RBFOX1: variants seen among roughly 807,000 people sequenced by gnomAD.
RBFOX1 encodes RNA binding fox-1 homolog 1.
A neutral mutation model predicts 57.7 loss-of-function variants in RBFOX1; 8 were observed. The observed-to-expected ratio is 0.14, with a 90% CI of 0.08 to 0.25. The LOEUF (loss-of-function observed/expected upper bound fraction) is 0.25, where lower values mean the gene tolerates loss of function less well. Among genes scored for constraint, RBFOX1 ranks in the 10% least tolerant of loss-of-function variants. RBFOX1 has a pLI of 1.00. For synonymous variants in RBFOX1, 326 were observed against 222.4 expected, an observed-to-expected ratio of 1.47 and a Z score of -4.15; for missense variants, 611 against 548.5, an observed-to-expected ratio of 1.11 and a Z score of -1.14.
At chr16:6,285,036 G>A (rs533244096) in intron 1 of RBFOX1, among the ~76,000 whole-genome samples, 16 of 152,142 alleles carry the variant, frequency 1.1e-4, no homozygotes, top group Non-Finnish European at 2.4e-4. Context: ...GTCTTAAACC[G>A]AGAGAGGCAA....
In RBFOX1 at chr16:7,323,856, T is replaced by G. The variant is rs142151078; in HGVS notation, c.28-194291T>G. Among the ~76,000 whole-genome samples the G allele has an allele frequency of 3.7e-3, 557 of 152,276 alleles. 4 individuals carry two copies. The highest frequency in any genetic ancestry group is 0.013 in the African/African-American group (541 of 41,562). ...AAAAGCCTAGCACAGGTCTGATACA[T>G]AATTCTCAAAAAGCAGATAATCCAA... is the stretch of plus-strand genomic sequence containing the variant. On this transcript the variant is annotated intron_variant, in intron 4 of 15. Coordinates refer to ENST00000550418, the MANE Select transcript of RBFOX1 (RefSeq NM_018723.4).
intron 3 of RBFOX1, among the ~76,000 whole-genome samples, chr16:5,727,546 G>A (rs929528320): frequency 2.6e-5 from 4 of 152,142 alleles, no homozygotes; most frequent in African/African-American, 7.2e-5. Context: ...GTGCTATTAT[G>A]TAGAGTCACC....
intron 3 of RBFOX1, among the ~76,000 whole-genome samples, chr16:5,781,663 A>G (rs1409735859): frequency 2.0e-5 from 3 of 152,242 alleles, no homozygotes; most frequent in African/African-American, 2.4e-5. Flanking sequence ...CTGTGTGCCA[A>G]TAAAACTTTA....
chr16:7,245,849 C>A (rs2094274061), intron 4 of RBFOX1, among the ~76,000 whole-genome samples: 1 of 152,172 alleles, frequency 6.6e-6, no homozygotes, highest in Admixed American at 6.5e-5. Flanking sequence ...TTACCAATTA[C>A]TTTCCCCTTT....
chr16:7,298,090 G>C (rs906411824), intron 4 of RBFOX1, among the ~76,000 whole-genome samples: 2 of 152,062 alleles, frequency 1.3e-5, no homozygotes, highest in Non-Finnish European at 2.9e-5. Context: ...AATTTTCTTA[G>C]AGATTTTTCC....
intron 2 of RBFOX1, among the ~76,000 whole-genome samples, chr16:6,347,916 G>C (rs902902692): frequency 1.1e-4 from 16 of 152,200 alleles, no homozygotes; most frequent in African/African-American, 3.6e-4. Flanking sequence ...AGATCATACA[G>C]AAACTGGTGA....
At chr16:6,996,786 C>T (rs780151812) in intron 3 of RBFOX1, among the ~76,000 whole-genome samples, 10 of 152,012 alleles carry the variant, frequency 6.6e-5, no homozygotes, top group Non-Finnish European at 1.2e-4. Context: ...TAATTTTTTA[C>T]TCATTTGATT....
chr16:7,245,049 TTC>T (rs2094233328), intron 4 of RBFOX1, among the ~76,000 whole-genome samples: 1 of 152,184 alleles, frequency 6.6e-6, no homozygotes, highest in African/African-American at 2.4e-5. Flanking sequence ...ATACCAGACT[TTC>T]TGATTGTTTA....
intron 4 of RBFOX1, among the ~76,000 whole-genome samples, chr16:7,272,176 G>A (rs9927207): frequency 0.37 from 55,733 of 151,938 alleles, 11,399 homozygotes; most frequent in African/African-American, 0.54. Context: ...CTCTTTGCTT[G>A]ACCATTTCCC....
intron 2 of RBFOX1, among the ~76,000 whole-genome samples, chr16:5,548,626 T>C (rs897555712): frequency 2.6e-5 from 4 of 151,790 alleles, no homozygotes; most frequent in Admixed American, 6.6e-5. Flanking sequence ...CCCATAAATA[T>C]ATACACCAAC....
At chr16:6,291,667 A>T (rs537273945) in intron 1 of RBFOX1, among the ~76,000 whole-genome samples, 1 of 152,344 alleles carries the variant, frequency 6.6e-6, no homozygotes, top group South Asian at 2.1e-4. Context: ...ACATTATCTT[A>T]TGTAAACATG....
chr16:7,409,961 C>T (rs772334605), intron 4 of RBFOX1, among the ~76,000 whole-genome samples: 10 of 152,192 alleles, frequency 6.6e-5, no homozygotes, highest in Non-Finnish European at 1.0e-4. Flanking sequence ...TGACATTTCT[C>T]TAACAGTGAG....
At chr16:6,345,511 G>C (rs115459641) in intron 2 of RBFOX1, among the ~76,000 whole-genome samples, 7 of 152,100 alleles carry the variant, frequency 4.6e-5, no homozygotes, top group African/African-American at 1.7e-4. Context: ...CCCTGTTTTA[G>C]CGAGTCCTCT....
At chr16:6,339,371 G>A (rs1311010105) in intron 2 of RBFOX1, among the ~76,000 whole-genome samples, 1 of 152,186 alleles carries the variant, frequency 6.6e-6, no homozygotes, top group Non-Finnish European at 1.5e-5. Flanking sequence ...GAGACACTGG[G>A]TTACAGCAGA....
At chr16:6,800,526 G>A (rs1320088965) in intron 3 of RBFOX1, among the ~76,000 whole-genome samples, 7 of 152,202 alleles carry the variant, frequency 4.6e-5, no homozygotes, top group South Asian at 2.1e-4. Context: ...TTCAAAAGCC[G>A]CCCTTCCGTG....
At chr16:5,421,942 G>A (rs570803322) in intron 1 of RBFOX1, among the ~76,000 whole-genome samples, 1 of 152,252 alleles carries the variant, frequency 6.6e-6, no homozygotes, top group South Asian at 2.1e-4. Context: ...TCAAGAATAC[G>A]AAAAGAGCCA....
chr16:5,818,748 G>C (rs990665932), intron 3 of RBFOX1, among the ~76,000 whole-genome samples: 1 of 152,170 alleles, frequency 6.6e-6, no homozygotes, highest in Non-Finnish European at 1.5e-5. Context: ...GAGTGTTGCT[G>C]GTTACTGCTG....
chr16:7,601,625 ACAC>A (rs141039302), intron 9 of RBFOX1, among the ~76,000 whole-genome samples: 1 of 152,036 alleles, frequency 6.6e-6, no homozygotes, highest in Non-Finnish European at 1.5e-5. Flanking sequence ...GGAAAAATCA[ACAC>A]CACCACCACC....
At chr16:6,739,488 AC>A (rs2071405393) in intron 3 of RBFOX1, among the ~76,000 whole-genome samples, 1 of 78,492 alleles carries the variant, frequency 1.3e-5, no homozygotes, top group Non-Finnish European at 2.6e-5. Flanking sequence ...CCCTCCCCCC[AC>A]CCCAAGGGAA....
Sources: allele counts gnomAD v4.1 joint callset (sites outside exome capture counted in the v4.1 genomes callset), GRCh38; gene constraint gnomAD v4.1.1; transcripts MANE v1.5; gene names NCBI Gene and HGNC (gene_info 2026-07-23, HGNC 2026-07-21).